PKLR: variants seen among roughly 807,000 people sequenced by gnomAD.
The protein encoded by PKLR is pyruvate kinase PKLR.
In PKLR, 38 loss-of-function variants were observed where a neutral mutation model predicts 53.6. That is an observed-to-expected ratio of 0.71 (90% confidence interval 0.55 to 0.93). PKLR has a LOEUF of 0.93. PKLR is among the 40% of genes least tolerant of loss of function. The probability of loss-of-function intolerance (pLI) is 0.00; values close to 1 mark genes in which losing one functional copy is unlikely to be tolerated. For missense variants in PKLR, 702 were observed against 787.3 expected (o/e 0.89, Z 1.30); for synonymous variants, 328 against 316.2 (o/e 1.04, Z -0.39).
chr1:155,299,965 A>T, intron 2 of PKLR, 133 bp downstream of exon 2: 1 of 919,188 alleles, frequency 1.1e-6, no homozygotes, highest in Non-Finnish European at 1.7e-6. Flanking sequence ...TGTCTACTAT[A>T]TGCTCAACAA....
At position 155,294,528 on chromosome 1, in the gene PKLR, C is replaced by T. The variant is rs373990660; in HGVS notation, c.919G>A (p.Gly307Ser). Residue 307 changes from glycine (G) to serine (S), a missense_variant, in exon 6 of 11, where the codon GGC becomes AGC. By Grantham distance (56) the Gly-to-Ser change is moderately conservative. Coordinates refer to ENST00000342741, the MANE Select transcript of PKLR (RefSeq NM_000298.6). ...VRAALGPEGH[G>S]IKIISKIENH... The stretch of plus-strand genomic sequence containing the variant: ...TCAATTTTGCTGATGATCTTGATGC[C>T]GTGTCCTTCCGGACCCAGAGCAGCC... 7.4e-6 allele frequency: 12 copies of T among 1,614,104 alleles called. No homozygotes were observed. The highest frequency in any genetic ancestry group is 5.3e-5 in the African/African-American group (4 of 74,940).
chr1:155,302,146 G>A (rs571775501), upstream of PKLR, among the ~76,000 whole-genome samples: 2 of 149,080 alleles, frequency 1.3e-5, no homozygotes, highest in African/African-American at 2.5e-5. Flanking sequence ...CAACCTCTGC[G>A]ATCCTCCTGC....
intron 5 of PKLR, 82 bp from the exon 6 acceptor site, chr1:155,294,834 C>A (rs910538573): frequency 1.3e-6 from 2 of 1,533,164 alleles, no homozygotes; most frequent in Non-Finnish European, 1.8e-6. Context: ...GGGCTTGGAC[C>A]CGCAAGAGGT....
At position 155,294,571 on chromosome 1, in the gene PKLR, G is replaced by A. The variant is rs1215189514; in HGVS notation, c.876C>T (p.Ser292=). 3 of 1,614,096 alleles carry A rather than the reference G, an allele frequency of 1.9e-6. No homozygotes were observed. Among genetic ancestry groups the A allele is most frequent in the Non-Finnish European group, 2.5e-6 (3 of 1,180,030 alleles). Residue 292 remains serine (S), a synonymous_variant, in exon 6 of 11, where the codon AGC becomes AGT. Coordinates refer to ENST00000342741, the MANE Select transcript of PKLR (RefSeq NM_000298.6). The part of the protein sequence containing the change: ...IVFASFVRKA[S]DVAAVRAALG... The stretch of plus-strand genomic sequence containing the variant: ...GAGCAGCCCTGACGGCAGCCACGTC[G>A]CTGGCTTTCCGCACAAAGGAGGCAA...
chr1:155,296,548 C>G (rs573344424), intron 2 of PKLR, among the ~76,000 whole-genome samples: 51 of 152,042 alleles, frequency 3.4e-4, no homozygotes, highest in Non-Finnish European at 6.0e-4. Context: ...TTTCACCATG[C>G]TGGCCAGGTT....
In PKLR at chr1:155,295,590, G is replaced by T; in HGVS notation, c.376-22C>A. The stretch of plus-strand genomic sequence containing the variant: ...GGTACTGGGGGAGGGAGCGGAGCGA[G>T]GGTTTCAGGGGAAGGTGGCCAGGAC... On this transcript the variant is annotated intron_variant, in intron 3 of 10. Transcript: ENST00000342741. This position sits in a 1 kb window ranked among gnomAD's most constrained non-coding sequence, Gnocchi z 4.3. The T allele has an allele frequency of 2.5e-6, 4 of 1,614,126 alleles. No homozygotes were observed. The highest frequency in any genetic ancestry group is 2.5e-6 in the Non-Finnish European group (3 of 1,180,016).
In PKLR at chr1:155,293,733, G is replaced by A. The variant is rs924134376; in HGVS notation, c.1117-143C>T. ...ACAACCCCTGAAAATAGGAGTCAAAGTATATTTAACTTTGTCGTTTGGTCA... is the reference window on the plus strand; with the variant it reads ...ACAACCCCTGAAAATAGGAGTCAAAATATATTTAACTTTGTCGTTTGGTCA... On this transcript the variant is annotated intron_variant, in intron 7 of 10. Coordinates refer to ENST00000342741, the MANE Select transcript of PKLR (RefSeq NM_000298.6). The surrounding 1 kb of genome is among the most constrained non-coding windows in gnomAD (Gnocchi z 4.2). 2.5e-6 allele frequency: 2 copies of A among 806,000 alleles called. No homozygotes were observed. Among genetic ancestry groups the A allele is most frequent in the Non-Finnish European group, 4.1e-6 (2 of 482,484 alleles). 49.9% of individuals were successfully genotyped at this position (806,000 alleles called of 1,614,324 possible).
At chr1:155,294,418 G>A (rs1557958962) in intron 6 of PKLR, 33 bp from the exon 7 acceptor site, 2 of 1,614,212 alleles carry the variant, frequency 1.2e-6, no homozygotes, top group South Asian at 1.1e-5. Context: ...GCAGAGGCAG[G>A]CAGGAGAAGA....
chr1:155,305,573 G>C (rs938436863), upstream of PKLR, among the ~76,000 whole-genome samples: 1 of 152,158 alleles, frequency 6.6e-6, no homozygotes, highest in East Asian at 1.9e-4. Flanking sequence ...TCAGGGACTG[G>C]GGATTCAGGC....
chr1:155,298,110 AT>A (rs1405010766), intron 2 of PKLR, among the ~76,000 whole-genome samples: 1 of 151,682 alleles, frequency 6.6e-6, no homozygotes, highest in Non-Finnish European at 1.5e-5. Context: ...CAGAGGTGCG[AT>A]CTCTGCTCCC....
Position 155,293,130 on chromosome 1 carries a change from A to G in PKLR, c.1436+47T>C, listed in dbSNP as rs369554770. ...CCAAGCCTGGGGCCCGTCCCAGCCC[A>G]CCCCTGACCCAAAGCTCCATCTGGA... On this transcript the variant is annotated intron_variant, in intron 9 of 10. Transcript: ENST00000342741. The surrounding 1 kb of genome is among the most constrained non-coding windows in gnomAD (Gnocchi z 4.2). 1.1e-5 allele frequency: 11 copies of G among 989,386 alleles called. No homozygotes were observed. The African/African-American group carries it at 1.9e-4, about 17-fold the overall frequency. The allele number at this position is 989,386 out of a possible 1,614,324, so 61.3% of individuals were successfully genotyped here.
rs1348220831 is a variant in PKLR, at chr1:155,294,509, T to C, written c.938A>G (p.Lys313Arg). ...CTTCACGCCTTCGTGGTTCTCAATT[T>C]TGCTGATGATCTTGATGCCGTGTCC... ...PEGHGIKIIS[K>R]IENHEGVKRF... Residue 313 changes from lysine to arginine, a missense_variant, in exon 6 of 11, where the codon AAA (lysine) becomes AGA (arginine). Physicochemically the swap from Lys to Arg is conservative, Grantham distance 26 (BLOSUM62 2). Coordinates refer to ENST00000342741, the MANE Select transcript of PKLR (RefSeq NM_000298.6). 1 of 1,614,224 alleles carries C rather than the reference T, an allele frequency of 6.2e-7. No individual in the cohort carries two copies.
chr1:155,297,189 A>C lies in PKLR; in HGVS notation c.284-1433T>G, dbSNP rs1647648597. Among the ~76,000 whole-genome samples the C allele has an allele frequency of 3.9e-5, 6 of 151,906 alleles. No homozygotes were observed. The South Asian group carries it at 1.2e-3, about 32-fold the overall frequency. On this transcript the variant is annotated intron_variant, in intron 2 of 10. Transcript: ENST00000342741. Reference sequence around the variant, plus strand: ...TTGAGATACCATCTATATGTAGCCAACTCCCAAATGTCTCTCCAATCCAGA... The same window carrying C: ...TTGAGATACCATCTATATGTAGCCACCTCCCAAATGTCTCTCCAATCCAGA...
intron 9 of PKLR, among the ~76,000 whole-genome samples, chr1:155,292,429 A>C (rs1161334904): frequency 6.6e-6 from 1 of 152,188 alleles, no homozygotes; most frequent in Admixed American, 6.5e-5. Context: ...TGAGGTCAGG[A>C]GTTTGAGACC....
Position 155,293,438 on chromosome 1 carries a change from C to CGCAT in PKLR, c.1265_1268dup (p.Ile424CysfsTer17). ...TTTGCTTTTCATTCTGAGCTCCTAC[C>CGCAT]GCATGCTGCATCTTCACCGCTTCCA... is the stretch of plus-strand genomic sequence containing the variant. On this transcript the variant is annotated frameshift_variant and splice_region_variant, in exon 8 of 11. Transcript: ENST00000342741. LOFTEE classifies it high-confidence loss of function. The surrounding 1 kb of genome is among the most constrained non-coding windows in gnomAD (Gnocchi z 4.2). 2 of 1,614,216 alleles carry CGCAT rather than the reference C, an allele frequency of 1.2e-6. No homozygotes were observed. Among genetic ancestry groups the CGCAT allele is most frequent in the Non-Finnish European group, 1.7e-6 (2 of 1,180,038 alleles).
At chr1:155,294,083 A>G (rs1647391783) in intron 7 of PKLR, 152 bp downstream of exon 7, 3 of 854,336 alleles carry the variant, frequency 3.5e-6, no homozygotes, top group Non-Finnish European at 3.9e-6. Flanking sequence ...CAGTGAGCGG[A>G]GATTGCGCCA....
chr1:155,308,554 G>T, the PKLR span: 1 of 985,300 alleles, frequency 1.0e-6, no homozygotes, highest in Non-Finnish European at 1.2e-6. Flanking sequence ...TTTTACTAAC[G>T]TGCCAATCAG....
chr1:155,299,165 C>CTT (rs1287813622), intron 2 of PKLR, among the ~76,000 whole-genome samples: 254 of 133,392 alleles, frequency 1.9e-3, no homozygotes, highest in African/African-American at 6.1e-3. Flanking sequence ...TTCTTTCTCT[C>CTT]TCTCTTTCTT....
intron 10 of PKLR, 49 bp downstream of exon 10, chr1:155,291,707 G>A (rs545888630): frequency 4.5e-6 from 7 of 1,553,704 alleles, no homozygotes; most frequent in Non-Finnish European, 6.2e-6. Context: ...GGGTTGGGGG[G>A]CTCCTGATAC....
Sources: allele counts gnomAD v4.1 joint callset (sites outside exome capture counted in the v4.1 genomes callset), GRCh38; gene constraint gnomAD v4.1.1; non-coding constraint Gnocchi (gnomAD v3.1); transcripts MANE v1.5; gene names NCBI Gene and HGNC (gene_info 2026-07-23, HGNC 2026-07-21).